The following MACROD2 variants were observed in gnomAD, a reference collection of about 807,000 sequenced individuals.
MACROD2 encodes the protein mono-ADP ribosylhydrolase 2.
Under a neutral mutation model 70.4 loss-of-function variants are expected in MACROD2, and 36 were observed. The observed-to-expected ratio is 0.51, with a 90% confidence interval of 0.39 to 0.68. The LOEUF is 0.68. Ranked by LOEUF, MACROD2 falls within the 30% of genes least tolerant of loss-of-function variation. The probability of loss-of-function intolerance (pLI) is 0.00; values close to 1 mark genes in which losing one functional copy is unlikely to be tolerated. For synonymous variants in MACROD2, 172 were observed against 178.8 expected (o/e 0.96, Z 0.30); for missense variants, 496 against 538.4 (o/e 0.92, Z 0.78).
chr20:14,939,010 T>C (rs1358476447), intron 5 of MACROD2, among the ~76,000 whole-genome samples: 4 of 150,520 alleles, frequency 2.7e-5, no homozygotes, highest in Admixed American at 6.6e-5. Context: ...ATCAATCCCT[T>C]GTCAAAGGGA....
intron 3 of MACROD2, among the ~76,000 whole-genome samples, chr20:14,478,205 C>A (rs2084620211): frequency 6.6e-6 from 1 of 152,176 alleles, no homozygotes; most frequent in Admixed American, 6.5e-5. Context: ...GCTGAGATGG[C>A]CCTTCAAAGT....
chr20:15,008,148 T>C (rs2075054366), intron 5 of MACROD2, among the ~76,000 whole-genome samples: 3 of 152,188 alleles, frequency 2.0e-5, no homozygotes, highest in Admixed American at 2.0e-4. Flanking sequence ...ATGTAGCCTA[T>C]TTTACTGACC....
intron 9 of MACROD2, among the ~76,000 whole-genome samples, chr20:15,869,238 T>TAGAGAGAGAGAGAGAGAGAGAGAGAG (rs1555788820): frequency 3.5e-4 from 10 of 28,298 alleles, no homozygotes; most frequent in Middle Eastern, 0.031. Flanking sequence ...TATATATATA[T>TAGAGAGAGAGAGAGAGAGAGAGAGAG]AGAGAGAGAG....
chr20:15,039,981 ATTAC>A (rs2075342860), intron 5 of MACROD2, among the ~76,000 whole-genome samples: 1 of 152,060 alleles, frequency 6.6e-6, no homozygotes, highest in Non-Finnish European at 1.5e-5. Flanking sequence ...TCGACGTTCA[ATTAC>A]TTAGTGGCAT....
chr20:15,496,433 T>C (rs2047298895), intron 7 of MACROD2, among the ~76,000 whole-genome samples: 1 of 152,158 alleles, frequency 6.6e-6, no homozygotes, highest in Non-Finnish European at 1.5e-5. Flanking sequence ...CATAACTCAA[T>C]GCCAGATGCT....
At chr20:15,041,904 C>T (rs981450921) in intron 5 of MACROD2, among the ~76,000 whole-genome samples, 4 of 152,002 alleles carry the variant, frequency 2.6e-5, no homozygotes, top group African/African-American at 9.7e-5. Flanking sequence ...GATTTTTAGG[C>T]CCATAGGCTG....
intron 5 of MACROD2, among the ~76,000 whole-genome samples, chr20:14,896,813 C>A (rs2073835798): frequency 6.6e-6 from 1 of 152,092 alleles, no homozygotes; most frequent in South Asian, 2.1e-4. Context: ...TGAATCCTAC[C>A]ATACTCTAGT....
intron 8 of MACROD2, among the ~76,000 whole-genome samples, chr20:15,846,662 T>A (rs949550109): frequency 2.0e-5 from 3 of 152,076 alleles, no homozygotes; most frequent in Non-Finnish European, 2.9e-5. Context: ...AAGCCTTACG[T>A]AAGCCATGGC....
intron 15 of MACROD2, among the ~76,000 whole-genome samples, chr20:16,021,101 T>C (rs1447425720): frequency 6.6e-6 from 1 of 152,124 alleles, no homozygotes; most frequent in Non-Finnish European, 1.5e-5. Flanking sequence ...AAATTTTTAA[T>C]AGAAAATGAT....
At chr20:14,149,192 G>T (rs974874285) in intron 3 of MACROD2, among the ~76,000 whole-genome samples, 10 of 144,484 alleles carry the variant, frequency 6.9e-5, no homozygotes, top group African/African-American at 1.0e-4. Context: ...AGTACCCAAT[G>T]TTTTTTTTTT....
intron 5 of MACROD2, among the ~76,000 whole-genome samples, chr20:15,093,379 T>G (rs1036460681): frequency 3.3e-5 from 5 of 152,170 alleles, no homozygotes; most frequent in Non-Finnish European, 7.4e-5. Flanking sequence ...CCATTGTCCT[T>G]TTGTGATATC....
chr20:14,937,824 A>G (rs2074354065), intron 5 of MACROD2, among the ~76,000 whole-genome samples: 1 of 152,036 alleles, frequency 6.6e-6, no homozygotes, highest in African/African-American at 2.4e-5. Flanking sequence ...ATCAGGCTCT[A>G]TTCATCCTCC....
chr20:15,475,956 A>G (rs563827461), intron 7 of MACROD2, among the ~76,000 whole-genome samples: 2 of 152,372 alleles, frequency 1.3e-5, no homozygotes, highest in East Asian at 3.9e-4. Flanking sequence ...TATAAGGGAA[A>G]TATATTGCAA....
At chr20:15,011,931 G>C (rs1409277932) in intron 5 of MACROD2, among the ~76,000 whole-genome samples, 1 of 152,144 alleles carries the variant, frequency 6.6e-6, no homozygotes, top group African/African-American at 2.4e-5. Context: ...ATGACCAGAG[G>C]ACAACAGCAT....
chr20:14,279,916 T>A (rs970070583), intron 3 of MACROD2, among the ~76,000 whole-genome samples: 4 of 152,170 alleles, frequency 2.6e-5, no homozygotes, highest in African/African-American at 9.7e-5. Flanking sequence ...GGAATAACTG[T>A]GTGACCTTTA....
chr20:15,134,347 C>T (rs1392400155), intron 5 of MACROD2, among the ~76,000 whole-genome samples: 1 of 151,552 alleles, frequency 6.6e-6, no homozygotes, highest in Non-Finnish European at 1.5e-5. Flanking sequence ...TGTAAAAGAA[C>T]AGAAATTATA....
At chr20:15,396,309 T>C (rs748018495) in intron 6 of MACROD2, among the ~76,000 whole-genome samples, 2 of 152,230 alleles carry the variant, frequency 1.3e-5, no homozygotes, top group Non-Finnish European at 2.9e-5. Context: ...AGTAGCTCTA[T>C]GAGTCAGGTG....
At chr20:15,084,067 T>TG (rs1568564919) in intron 5 of MACROD2, among the ~76,000 whole-genome samples, 5 of 51,134 alleles carry the variant, frequency 9.8e-5, no homozygotes, top group East Asian at 1.5e-3. Context: ...AGGTTTTTTT[T>TG]TTTTGTTTTT....
chr20:14,913,106 T>G (rs1198998394), intron 5 of MACROD2, among the ~76,000 whole-genome samples: 1 of 152,180 alleles, frequency 6.6e-6, no homozygotes, highest in Non-Finnish European at 1.5e-5. Flanking sequence ...TGTGTGAGTG[T>G]GTTAGTGTAT....
Sources: allele counts gnomAD v4.1 joint callset (sites outside exome capture counted in the v4.1 genomes callset), GRCh38; gene constraint gnomAD v4.1.1; transcripts MANE v1.5; gene names NCBI Gene and HGNC (gene_info 2026-07-23, HGNC 2026-07-21).